The following SLC67A2 variants were observed in gnomAD, a reference collection of about 807,000 sequenced individuals.
The protein encoded by SLC67A2 is solute carrier family 67 member 2.
chr2:102,729,416 C>T, the SLC67A2 span, among the ~76,000 whole-genome samples: 1 of 152,152 alleles, frequency 6.6e-6, no homozygotes, highest in Non-Finnish European at 1.5e-5. Flanking sequence ...AAAGAATTAA[C>T]ATACACTGTG....
chr2:102,716,700 A>G, the SLC67A2 span: 1 of 152,270 alleles, frequency 6.6e-6, no homozygotes, highest in Non-Finnish European at 1.5e-5. Flanking sequence ...TTACTGTAGC[A>G]TACTAAAATA....
chr2:102,734,881 G>A, the SLC67A2 span, among the ~76,000 whole-genome samples: 8 of 152,190 alleles, frequency 5.3e-5, no homozygotes, highest in Non-Finnish European at 1.2e-4. Context: ...CAAATGATCT[G>A]CGAATTGCTT....
At chr2:102,720,740 A>C in the SLC67A2 span, among the ~76,000 whole-genome samples, 3 of 152,364 alleles carry the variant, frequency 2.0e-5, no homozygotes, top group Admixed American at 2.0e-4. Flanking sequence ...GTCAGATTCC[A>C]GAGTTTGGAG....
chr2:102,722,846 G>C, the SLC67A2 span, among the ~76,000 whole-genome samples: 1 of 152,092 alleles, frequency 6.6e-6, no homozygotes, highest in Non-Finnish European at 1.5e-5. Context: ...GAAACAATCT[G>C]CAAAGCAAAA....
the SLC67A2 span, chr2:102,717,947 T>C: frequency 1.3e-5 from 2 of 157,496 alleles, no homozygotes; most frequent in South Asian, 1.9e-4. Flanking sequence ...GAAAACTCCC[T>C]CCTAGTGTAT....
chr2:102,719,505 T>A, the SLC67A2 span, among the ~76,000 whole-genome samples: 1 of 152,234 alleles, frequency 6.6e-6, no homozygotes, highest in African/African-American at 2.4e-5. Flanking sequence ...TCATTTCATA[T>A]CTGAATTGTT....
At chr2:102,726,009 G>A in the SLC67A2 span, among the ~76,000 whole-genome samples, 2 of 152,180 alleles carry the variant, frequency 1.3e-5, no homozygotes, top group Admixed American at 6.5e-5. Flanking sequence ...AGAACAAAGA[G>A]CTTCTACAGG....
chr2:102,731,589 C>T, the SLC67A2 span, among the ~76,000 whole-genome samples: 1 of 152,032 alleles, frequency 6.6e-6, no homozygotes, highest in South Asian at 2.1e-4. Context: ...TCTGATTTTC[C>T]CAAAAACCTT....
At chr2:102,735,100 T>C in the SLC67A2 span, among the ~76,000 whole-genome samples, 3 of 152,164 alleles carry the variant, frequency 2.0e-5, no homozygotes, top group African/African-American at 4.8e-5. Context: ...TACTCACTGG[T>C]TGTGAATTCT....
the SLC67A2 span, among the ~76,000 whole-genome samples, chr2:102,733,308 T>C: frequency 6.6e-6 from 1 of 152,240 alleles, no homozygotes; most frequent in East Asian, 1.9e-4. Flanking sequence ...CCTGAATTCC[T>C]TCTTTCATAC....
At chr2:102,732,185 A>G in the SLC67A2 span, 7 of 798,108 alleles carry the variant, frequency 8.8e-6, no homozygotes, top group South Asian at 4.4e-5. Context: ...ATTTTAAAAT[A>G]TTCTGGAAAT....
the SLC67A2 span, chr2:102,731,105 G>A: frequency 6.3e-6 from 10 of 1,585,402 alleles, no homozygotes; most frequent in Non-Finnish European, 8.7e-6. Context: ...AAATCAGCTA[G>A]AGCTATCACA....
At chr2:102,726,980 G>A in the SLC67A2 span, 1 of 1,611,642 alleles carries the variant, frequency 6.2e-7, no homozygotes, top group Non-Finnish European at 8.5e-7. Context: ...CAGCCCTGAG[G>A]AAAGTAAGAA....
chr2:102,720,459 C>A, the SLC67A2 span, among the ~76,000 whole-genome samples: 1 of 152,190 alleles, frequency 6.6e-6, no homozygotes, highest in African/African-American at 2.4e-5. Context: ...TTACTATAAG[C>A]AATCCACCCA....
chr2:102,722,002 G>T, the SLC67A2 span, among the ~76,000 whole-genome samples: 1 of 152,174 alleles, frequency 6.6e-6, no homozygotes, highest in African/African-American at 2.4e-5. Flanking sequence ...CACTGCACCC[G>T]GCCCAATGTG....
the SLC67A2 span, chr2:102,726,954 CACT>C: frequency 6.2e-7 from 1 of 1,613,610 alleles, no homozygotes; most frequent in Non-Finnish European, 8.5e-7. Flanking sequence ...ACCGTCTTCC[CACT>C]ACATCGCTCC....
the SLC67A2 span, chr2:102,731,015 C>T: frequency 6.2e-7 from 1 of 1,613,320 alleles, no homozygotes; most frequent in African/African-American, 1.3e-5. Flanking sequence ...GACATGTGAT[C>T]ATAACTTACC....
At chr2:102,732,413 A>G in the SLC67A2 span, 2 of 1,603,430 alleles carry the variant, frequency 1.2e-6, no homozygotes, top group Non-Finnish European at 1.7e-6. Flanking sequence ...ACAAATCCTA[A>G]AACAAAATAA....
At chr2:102,732,413 AAAC>A in the SLC67A2 span, 1 of 1,603,430 alleles carries the variant, frequency 6.2e-7, no homozygotes, top group African/African-American at 1.3e-5. Context: ...ACAAATCCTA[AAAC>A]AAAATAAATG....
Sources: gnomAD v4.1 joint callset for allele counts (sites outside exome capture counted in the v4.1 genomes callset) on GRCh38, gnomAD v4.1.1 for gene constraint, MANE v1.5 for transcripts, NCBI Gene and HGNC (gene_info 2026-07-23, HGNC 2026-07-21) for gene names.